Variants in ARMH3 observed in about 807,000 individuals in gnomAD.
ARMH3 encodes the protein armadillo like helical domain containing 3.
A neutral mutation model predicts 99.1 loss-of-function variants in ARMH3; 60 were observed. The observed-to-expected ratio is 0.61, with a 90% CI of 0.49 to 0.75. The LOEUF (loss-of-function observed/expected upper bound fraction) is 0.75. Ranked by LOEUF, ARMH3 falls within the 30% of genes least tolerant of loss-of-function variation. ARMH3 has a pLI of 0.00. For synonymous variants in ARMH3, 285 were observed against 292.8 expected (o/e 0.97, Z 0.27); for missense variants, 679 against 843.1 (o/e 0.81, Z 2.41).
intron 1 of ARMH3, among the ~76,000 whole-genome samples, chr10:102,042,116 A>T (rs2067438471): frequency 6.6e-6 from 1 of 152,268 alleles, no homozygotes. Flanking sequence ...AAAGCATGAA[A>T]TACAGCCTCC....
At chr10:102,028,166 A>T (rs1048606865) in intron 5 of ARMH3, among the ~76,000 whole-genome samples, 1 of 152,196 alleles carries the variant, frequency 6.6e-6, no homozygotes, top group Non-Finnish European at 1.5e-5. Context: ...CCTATGGAAA[A>T]ATGGTTTGGT....
intron 1 of ARMH3, among the ~76,000 whole-genome samples, chr10:102,051,854 G>A (rs1320462048): frequency 1.3e-5 from 2 of 152,160 alleles, no homozygotes; most frequent in African/African-American, 2.4e-5. Context: ...CAATGAAGAT[G>A]AGCTCTCGTT....
chr10:101,893,218 G>A (rs2067734910), intron 23 of ARMH3, among the ~76,000 whole-genome samples: 4 of 152,182 alleles, frequency 2.6e-5, no homozygotes, highest in African/African-American at 7.2e-5. Flanking sequence ...TTAGTGTCCA[G>A]GACCAACACG....
chr10:101,950,991 A>T (rs1335840606), intron 22 of ARMH3, among the ~76,000 whole-genome samples: 1 of 152,244 alleles, frequency 6.6e-6, no homozygotes, highest in African/African-American at 2.4e-5. Flanking sequence ...AAAAAATTTT[A>T]AAAAGTAGTG....
chr10:102,005,188 C>G (rs1384763664), intron 14 of ARMH3, among the ~76,000 whole-genome samples: 1 of 152,026 alleles, frequency 6.6e-6, no homozygotes, highest in Non-Finnish European at 1.5e-5. Flanking sequence ...CAGTGCGAGA[C>G]TCCGTCTCAA....
chr10:101,971,611 C>T (rs1390864742), intron 20 of ARMH3, among the ~76,000 whole-genome samples: 1 of 151,996 alleles, frequency 6.6e-6, no homozygotes, highest in Non-Finnish European at 1.5e-5. Flanking sequence ...TCTGTGAGAA[C>T]AGGATTAATT....
intron 13 of ARMH3, among the ~76,000 whole-genome samples, 164 bp downstream of exon 13, chr10:102,009,210 T>C (rs1185504980): frequency 6.6e-6 from 1 of 152,196 alleles, no homozygotes; most frequent in Non-Finnish European, 1.5e-5. Flanking sequence ...ACATACATAT[T>C]TGAGGACAGC....
intron 24 of ARMH3, among the ~76,000 whole-genome samples, chr10:101,863,411 G>A (rs897186555): frequency 6.6e-6 from 1 of 152,068 alleles, no homozygotes; most frequent in African/African-American, 2.4e-5. Context: ...AAACAAAATC[G>A]ATAGGCTAAA....
intron 24 of ARMH3, among the ~76,000 whole-genome samples, chr10:101,851,326 C>T (rs2066595734): frequency 6.6e-6 from 1 of 152,106 alleles, no homozygotes; most frequent in African/African-American, 2.4e-5. Flanking sequence ...CACTACACAT[C>T]AAATCAGAAG....
intron 24 of ARMH3, among the ~76,000 whole-genome samples, chr10:101,855,528 A>T (rs531845191): frequency 3.3e-5 from 5 of 150,934 alleles, no homozygotes; most frequent in Admixed American, 3.3e-4. Flanking sequence ...TGGATGATGG[A>T]GTGAGACCCC....
intron 23 of ARMH3, among the ~76,000 whole-genome samples, chr10:101,915,686 T>C (rs2135571339): frequency 6.6e-6 from 1 of 152,274 alleles, no homozygotes; most frequent in Non-Finnish European, 1.5e-5. Flanking sequence ...AAATCTGCCT[T>C]ACAAACCCAC....
chr10:101,858,333 A>G (rs61874154), intron 24 of ARMH3, among the ~76,000 whole-genome samples: 8,900 of 152,264 alleles, frequency 0.058, 274 homozygotes, highest in Middle Eastern at 0.099. Flanking sequence ...TAGCAGCAGG[A>G]TGGAGCTGGG....
At chr10:101,863,248 C>T (rs1169291500) in intron 24 of ARMH3, among the ~76,000 whole-genome samples, 1 of 152,014 alleles carries the variant, frequency 6.6e-6, no homozygotes, top group African/African-American at 2.4e-5. Context: ...AGTTGAATTG[C>T]TATATTAATA....
intron 23 of ARMH3, among the ~76,000 whole-genome samples, chr10:101,903,029 T>C (rs1236534511): frequency 1.3e-5 from 2 of 152,194 alleles, no homozygotes; most frequent in East Asian, 3.9e-4. Flanking sequence ...AGCTGCCATC[T>C]CTTCAATATA....
At chr10:101,867,007 T>C (rs769914366) in intron 24 of ARMH3, among the ~76,000 whole-genome samples, 7 of 152,186 alleles carry the variant, frequency 4.6e-5, no homozygotes, top group Non-Finnish European at 1.0e-4. Flanking sequence ...AGACATTTAT[T>C]AGTAAGGAAG....
At chr10:101,931,303 T>C (rs762541911) in intron 23 of ARMH3, among the ~76,000 whole-genome samples, 2 of 152,106 alleles carry the variant, frequency 1.3e-5, no homozygotes, top group Non-Finnish European at 2.9e-5. Context: ...GAGGCTCACA[T>C]CTGAGGGTCA....
chr10:101,925,456 G>A (rs185584310), intron 23 of ARMH3, among the ~76,000 whole-genome samples: 27 of 152,320 alleles, frequency 1.8e-4, no homozygotes, highest in Admixed American at 1.7e-3. Flanking sequence ...AGCTGAGAGA[G>A]AAAGAATGTT....
chr10:102,032,562 G>A (rs1007290067), intron 4 of ARMH3, among the ~76,000 whole-genome samples: 4 of 151,992 alleles, frequency 2.6e-5, no homozygotes, highest in South Asian at 2.1e-4. Context: ...CACCATGCCC[G>A]GCTAATTTTT....
At chr10:101,917,903 C>T (rs538614287) in intron 23 of ARMH3, among the ~76,000 whole-genome samples, 1 of 152,306 alleles carries the variant, frequency 6.6e-6, no homozygotes, top group East Asian at 1.9e-4. Context: ...AACAATCTTT[C>T]CCAACCACCC....
Sources: allele counts gnomAD v4.1 joint callset (sites outside exome capture counted in the v4.1 genomes callset), GRCh38; gene constraint gnomAD v4.1.1; transcripts MANE v1.5; gene names NCBI Gene and HGNC (gene_info 2026-07-23, HGNC 2026-07-21).